RGSL1: variants seen among roughly 807,000 people sequenced by gnomAD.
RGSL1 encodes regulator of G protein signaling like 1.
RGSL1 carries 97 observed loss-of-function variants against 124.7 expected under a neutral mutation model. The ratio of observed to expected loss-of-function variants is 0.78; its 90% CI spans 0.66 to 0.92. The LOEUF (loss-of-function observed/expected upper bound fraction) is 0.92. RGSL1 is among the 40% of genes least tolerant of loss of function. RGSL1 has a pLI of 0.00. For missense variants in RGSL1, 1,233 were observed against 1,288.4 expected (o/e 0.96, Z 0.66); for synonymous variants, 424 against 438.1 (o/e 0.97, Z 0.40).
chr1:182,466,096 A>G (rs1324597458), intron 4 of RGSL1, among the ~76,000 whole-genome samples: 3 of 151,956 alleles, frequency 2.0e-5, no homozygotes, highest in African/African-American at 7.3e-5. Context: ...CAGAAAAAGC[A>G]TTTGACAAAA....
At chr1:182,465,794 T>C (rs1274613641) in intron 4 of RGSL1, among the ~76,000 whole-genome samples, 1 of 152,050 alleles carries the variant, frequency 6.6e-6, no homozygotes, top group Non-Finnish European at 1.5e-5. Flanking sequence ...AGAGGCAGGA[T>C]CACTTTCTCA....
chr1:182,490,192 C>G (rs1356492222), intron 8 of RGSL1, among the ~76,000 whole-genome samples: 1 of 152,176 alleles, frequency 6.6e-6, no homozygotes, highest in African/African-American at 2.4e-5. Context: ...TCATGACCTA[C>G]ACTTTGAAAA....
intron 6 of RGSL1, among the ~76,000 whole-genome samples, chr1:182,475,560 A>G (rs984792195): frequency 1.3e-5 from 2 of 152,158 alleles, no homozygotes; most frequent in Non-Finnish European, 2.9e-5. Flanking sequence ...ACCAGGAGAG[A>G]AAGAGCTGTA....
intron 9 of RGSL1, among the ~76,000 whole-genome samples, chr1:182,498,453 G>A (rs1473047580): frequency 6.6e-6 from 1 of 152,216 alleles, no homozygotes; most frequent in African/African-American, 2.4e-5. Context: ...CTATTGGAGT[G>A]TCACTGCAAT....
intron 14 of RGSL1, among the ~76,000 whole-genome samples, chr1:182,532,994 G>A (rs559858577): frequency 6.6e-6 from 1 of 152,230 alleles, no homozygotes; most frequent in African/African-American, 2.4e-5. Context: ...GAGCCAGCAA[G>A]GGTAGGGAAT....
At position 182,459,230 on chromosome 1, in the gene RGSL1, C is replaced by G. The variant is rs991376987; in HGVS notation, c.172-774C>G. Among the ~76,000 whole-genome samples the G allele has an allele frequency of 3.3e-5, 5 of 152,264 alleles. No individual in the cohort carries two copies. The East Asian group carries it at 9.6e-4, about 29-fold the overall frequency. On this transcript the variant is annotated intron_variant, in intron 3 of 21. Coordinates refer to ENST00000294854, the MANE Select transcript of RGSL1 (RefSeq NM_001137669.2). Reference sequence around the variant, plus strand: ...ATTCTCCAGAGGCATGTTTTTCTCCCAATTTTTTTCTTTATGCCCTTTTTC... The same window carrying G: ...ATTCTCCAGAGGCATGTTTTTCTCCGAATTTTTTTCTTTATGCCCTTTTTC...
chr1:182,542,261 G>A (rs1302172606), intron 15 of RGSL1, among the ~76,000 whole-genome samples: 7 of 152,088 alleles, frequency 4.6e-5, no homozygotes, highest in Admixed American at 1.3e-4. Flanking sequence ...ATAGGTGTCT[G>A]GTTTCATTCT....
At position 182,522,049 on chromosome 1, in the gene RGSL1, C is replaced by T. The variant is rs1658383852; in HGVS notation, c.1871C>T (p.Ser624Leu). 1 of 1,548,936 alleles carries T rather than the reference C, an allele frequency of 6.5e-7. No homozygotes were observed. The highest frequency in any genetic ancestry group is 8.7e-7 in the Non-Finnish European group (1 of 1,146,194). ...IIKETKTVSR[S>L]NRKMSLLKRT... ...AAGGAAACAAAGACAGTTTCACGCT[C>T]AAATAGGAAAATGTCCTTGCTCAAA... Residue 624 changes from serine to leucine, a missense_variant, in exon 10 of 22, where the codon TCA becomes TTA. Physicochemically the swap from Ser to Leu is moderately radical, Grantham distance 145 (BLOSUM62 -2). Transcript: ENST00000294854.
chr1:182,450,416 G>T, intron 1 of RGSL1: 1 of 571,876 alleles, frequency 1.7e-6, no homozygotes, highest in Non-Finnish European at 3.1e-6. Flanking sequence ...CAAGAGGGAG[G>T]AAGTAAAATG....
chr1:182,510,097 C>T lies in RGSL1; in HGVS notation c.1826-11907C>T, dbSNP rs1382873845. On this transcript the variant is annotated intron_variant, in intron 9 of 21. Coordinates refer to ENST00000294854, the MANE Select transcript of RGSL1 (RefSeq NM_001137669.2). Reference sequence around the variant, plus strand: ...CAGACGATGGGCGGCCGGGCAGAGACGCTCCTCACTTCCTAGATGTGATGG... The same window carrying T: ...CAGACGATGGGCGGCCGGGCAGAGATGCTCCTCACTTCCTAGATGTGATGG... Among the ~76,000 whole-genome samples, 9 of 30,442 alleles carry T rather than the reference C, an allele frequency of 3.0e-4. No individual in the cohort carries two copies. The East Asian group carries it at 3.9e-3, about 13-fold the overall frequency. The allele number at this position is 30,442 out of a possible 152,430, so 20.0% of individuals were successfully genotyped here.
chr1:182,527,895 G>T, intron 11 of RGSL1, 123 bp downstream of exon 11: 1 of 681,346 alleles, frequency 1.5e-6, no homozygotes, highest in South Asian at 2.3e-5. Context: ...GCCACATGGG[G>T]CAATATTGAG....
chr1:182,540,935 T>C (rs1399919827), intron 15 of RGSL1, among the ~76,000 whole-genome samples: 4 of 152,180 alleles, frequency 2.6e-5, no homozygotes, highest in African/African-American at 9.6e-5. Context: ...TTGTATAGAC[T>C]ATACCCCAAA....
At chr1:182,518,486 T>C (rs556972316) in intron 9 of RGSL1, among the ~76,000 whole-genome samples, 5 of 152,146 alleles carry the variant, frequency 3.3e-5, no homozygotes, top group South Asian at 2.1e-4. Flanking sequence ...CTTTGGCTGA[T>C]CTATAGAGCA....
chr1:182,551,655 CAT>C (rs1660572513), intron 18 of RGSL1, among the ~76,000 whole-genome samples: 1 of 151,976 alleles, frequency 6.6e-6, no homozygotes, highest in African/African-American at 2.4e-5. Flanking sequence ...TGAAAGCAGA[CAT>C]ATATATGTAA....
At chr1:182,450,652 T>A (rs186543419) in intron 1 of RGSL1, 1 of 192,954 alleles carries the variant, frequency 5.2e-6, no homozygotes, top group Non-Finnish European at 1.1e-5. Flanking sequence ...TCTCTATATC[T>A]CCTTAAGACT....
At chr1:182,482,045 G>A (rs1352237883) in intron 6 of RGSL1, among the ~76,000 whole-genome samples, 2 of 152,102 alleles carry the variant, frequency 1.3e-5, no homozygotes, top group Non-Finnish European at 2.9e-5. Context: ...CAATTACCAG[G>A]TAGGATTTAT....
intron 6 of RGSL1, among the ~76,000 whole-genome samples, chr1:182,486,227 T>A (rs949786498): frequency 1.3e-5 from 2 of 152,174 alleles, no homozygotes; most frequent in African/African-American, 2.4e-5. Context: ...ATCTAGTTAT[T>A]TCTTTTAATT....
upstream of RGSL1, among the ~76,000 whole-genome samples, chr1:182,448,893 A>G (rs1651630810): frequency 6.6e-6 from 1 of 152,204 alleles, no homozygotes; most frequent in Admixed American, 6.5e-5. Context: ...GGCAGCAATT[A>G]GGACTCAAGG....
intron 14 of RGSL1, among the ~76,000 whole-genome samples, chr1:182,538,943 G>A (rs1659718283): frequency 2.6e-5 from 4 of 152,180 alleles, no homozygotes; most frequent in Admixed American, 2.0e-4. Flanking sequence ...AGAATCAACA[G>A]CATTTGGTGA....
Sources: gnomAD v4.1 joint callset for allele counts (sites outside exome capture counted in the v4.1 genomes callset) on GRCh38, gnomAD v4.1.1 for gene constraint, MANE v1.5 for transcripts, NCBI Gene and HGNC (gene_info 2026-07-23, HGNC 2026-07-21) for gene names.